Variants in ME1 observed in about 807,000 individuals in gnomAD.
ME1 encodes NADP-dependent malic enzyme.
ME1 carries 74 observed loss-of-function variants against 66.4 expected under a neutral mutation model. The ratio of observed to expected loss-of-function variants is 1.11; its 90% CI spans 0.92 to 1.35. The LOEUF (loss-of-function observed/expected upper bound fraction) is 1.35. ME1 is among the 40% of genes most tolerant of loss of function. ME1 has a pLI of 0.00. For synonymous variants in ME1, 251 were observed against 235.6 expected, an observed-to-expected ratio of 1.07 and a Z score of -0.60; for missense variants, 750 against 694.1, an observed-to-expected ratio of 1.08 and a Z score of -0.90.
intron 5 of ME1, among the ~76,000 whole-genome samples, chr6:83,343,128 G>C (rs1768620621): frequency 6.6e-6 from 1 of 151,988 alleles, no homozygotes; most frequent in African/African-American, 2.4e-5. Context: ...TGACATATTT[G>C]TACCCCTTAA....
In ME1 at chr6:83,222,438, T is replaced by C. The variant is rs1466653034; in HGVS notation, c.1449+1322A>G. ...ACATTCTTGGGGTTCCTCTTCACAA[T>C]GGAAAAAATATTTGCAGGATAAAAA... is the stretch of plus-strand genomic sequence containing the variant. On this transcript the variant is annotated intron_variant, in intron 12 of 13. Coordinates refer to ENST00000369705, the MANE Select transcript of ME1 (RefSeq NM_002395.6). Among the ~76,000 whole-genome samples the C allele has an allele frequency of 2.6e-5, 4 of 152,134 alleles. No individual in the cohort carries two copies. In the East Asian group the frequency reaches 7.7e-4, roughly 29 times the overall value.
intron 6 of ME1, among the ~76,000 whole-genome samples, chr6:83,302,058 C>T (rs183274674): frequency 7.9e-5 from 12 of 152,190 alleles, no homozygotes; most frequent in African/African-American, 2.4e-4. Context: ...ACCTAAATGC[C>T]CATCAATAGA....
At chr6:83,251,266 G>A (rs974161808) in intron 7 of ME1, among the ~76,000 whole-genome samples, 9 of 151,906 alleles carry the variant, frequency 5.9e-5, no homozygotes, top group South Asian at 2.1e-4. Flanking sequence ...AGGCTGAGGC[G>A]GGCAGATCAC....
chr6:83,212,287 G>C (rs752779112), intron 13 of ME1, among the ~76,000 whole-genome samples, 193 bp from the exon 14 acceptor site: 30 of 152,166 alleles, frequency 2.0e-4, no homozygotes, highest in Non-Finnish European at 3.8e-4. Context: ...TATAGTGAGA[G>C]AGAAAAATGA....
chr6:83,293,019 G>A (rs1035067273), intron 6 of ME1, among the ~76,000 whole-genome samples: 1 of 152,156 alleles, frequency 6.6e-6, no homozygotes, highest in Non-Finnish European at 1.5e-5. Context: ...ATTTGGGCAG[G>A]AGCATACCAC....
At chr6:83,236,508 A>C (rs1790405201) in intron 9 of ME1, among the ~76,000 whole-genome samples, 1 of 152,208 alleles carries the variant, frequency 6.6e-6, no homozygotes, top group Non-Finnish European at 1.5e-5. Context: ...AAGGGGATTT[A>C]TATGTACTTT....
chr6:83,411,848 T>G (rs1008413292), intron 1 of ME1, among the ~76,000 whole-genome samples: 1 of 152,196 alleles, frequency 6.6e-6, no homozygotes, highest in Non-Finnish European at 1.5e-5. Flanking sequence ...TCCTTTTTTG[T>G]CTTTTCTTTG....
At chr6:83,234,801 G>A (rs1007252973) in intron 9 of ME1, among the ~76,000 whole-genome samples, 7 of 151,988 alleles carry the variant, frequency 4.6e-5, no homozygotes, top group African/African-American at 9.7e-5. Context: ...TTCAGGGTTC[G>A]GAAAGCCCTT....
chr6:83,258,341 T>C (rs967882545), intron 6 of ME1, among the ~76,000 whole-genome samples: 2 of 152,160 alleles, frequency 1.3e-5, no homozygotes, highest in Non-Finnish European at 2.9e-5. Context: ...GATACAAGCA[T>C]CTTGCATCAT....
intron 1 of ME1, among the ~76,000 whole-genome samples, chr6:83,418,344 G>C (rs1163343150): frequency 1.4e-5 from 2 of 138,026 alleles, no homozygotes; most frequent in African/African-American, 5.4e-5. Flanking sequence ...CAGTCTGAAA[G>C]CCAGGAGGTT....
At chr6:83,216,252 T>A (rs886247545) in intron 13 of ME1, among the ~76,000 whole-genome samples, 2 of 152,182 alleles carry the variant, frequency 1.3e-5, no homozygotes, top group African/African-American at 4.8e-5. Context: ...ATTATTTAAA[T>A]TTTAGGAGAA....
intron 6 of ME1, among the ~76,000 whole-genome samples, chr6:83,274,531 T>G (rs1038641481): frequency 2.0e-5 from 3 of 152,228 alleles, no homozygotes; most frequent in Non-Finnish European, 4.4e-5. Context: ...TTGTTTCAGT[T>G]CTTCTATTTA....
In ME1 at chr6:83,332,428, C is replaced by A. The variant is rs190217952; in HGVS notation, c.600+13745G>T. ...GGGTATCCACCCAAAGGAAAAGAAGCCATTATATCAAAAAGACACCTGCAC... is the reference window on the plus strand; with the variant it reads ...GGGTATCCACCCAAAGGAAAAGAAGACATTATATCAAAAAGACACCTGCAC... On this transcript the variant is annotated intron_variant, in intron 5 of 13. Transcript: ENST00000369705. Among the ~76,000 whole-genome samples the A allele has an allele frequency of 1.7e-3, 261 of 152,234 alleles. 1 individual carries two copies. The highest frequency in any genetic ancestry group is 5.3e-3 in the African/African-American group (221 of 41,552).
At chr6:83,229,204 A>T in intron 9 of ME1, 1 of 502,046 alleles carries the variant, frequency 2.0e-6, no homozygotes, top group Non-Finnish European at 3.8e-6. Flanking sequence ...TTTTACAGAC[A>T]TGTGAGAACT....
At chr6:83,257,092 G>A (rs892057280) in intron 6 of ME1, among the ~76,000 whole-genome samples, 7 of 151,996 alleles carry the variant, frequency 4.6e-5, no homozygotes, top group Non-Finnish European at 5.9e-5. Flanking sequence ...ACCTAATGTA[G>A]ATGATGGGTT....
chr6:83,366,270 T>C (rs1412644508), intron 3 of ME1, among the ~76,000 whole-genome samples: 1 of 152,196 alleles, frequency 6.6e-6, no homozygotes, highest in Non-Finnish European at 1.5e-5. Flanking sequence ...TCCTAATTGC[T>C]TACCAGAGGC....
At chr6:83,401,663 C>T (rs1023001073) in intron 2 of ME1, among the ~76,000 whole-genome samples, 1 of 152,232 alleles carries the variant, frequency 6.6e-6, no homozygotes, top group Non-Finnish European at 1.5e-5. Context: ...CACCCCATCA[C>T]ATCCACTGGG....
intron 1 of ME1, among the ~76,000 whole-genome samples, chr6:83,424,861 T>C (rs554638692): frequency 2.3e-4 from 35 of 152,326 alleles, no homozygotes; most frequent in Non-Finnish European, 4.3e-4. Context: ...CTCCTGGACT[T>C]ACTAGATGGC....
intron 6 of ME1, among the ~76,000 whole-genome samples, chr6:83,283,403 A>G (rs1336829035): frequency 1.3e-5 from 2 of 151,596 alleles, no homozygotes; most frequent in East Asian, 3.9e-4. Flanking sequence ...GGGTAACATC[A>G]CACACCAGGA....
Sources: gnomAD v4.1 joint callset for allele counts (sites outside exome capture counted in the v4.1 genomes callset) on GRCh38, gnomAD v4.1.1 for gene constraint, MANE v1.5 for transcripts, NCBI Gene and HGNC (gene_info 2026-07-23, HGNC 2026-07-21) for gene names.